Variants in PCDH15 observed in about 807,000 individuals in gnomAD.
The protein encoded by PCDH15 is protocadherin related 15, also known as protocadherin-15.
Under a neutral mutation model 178.5 loss-of-function variants are expected in PCDH15, and 129 were observed. That is an observed-to-expected ratio of 0.72 (90% CI 0.63 to 0.84). PCDH15 has a LOEUF of 0.84. Ranked by LOEUF, PCDH15 falls within the 40% of genes least tolerant of loss-of-function variation. The probability of loss-of-function intolerance (pLI) is 0.00; values close to 1 mark genes in which losing one functional copy is unlikely to be tolerated. For synonymous variants in PCDH15, 800 were observed against 732.0 expected (o/e 1.09, Z -1.50); for missense variants, 2,230 against 2,099.9 (o/e 1.06, Z -1.21).
At chr10:54,989,373 T>C (rs1839448183) in intron 2 of PCDH15, among the ~76,000 whole-genome samples, 1 of 152,148 alleles carries the variant, frequency 6.6e-6, no homozygotes, top group Non-Finnish European at 1.5e-5. Flanking sequence ...CACTGACAGC[T>C]TGCACTGTGT....
At chr10:54,096,737 C>T (rs2094706744) in intron 15 of PCDH15, among the ~76,000 whole-genome samples, 2 of 152,278 alleles carry the variant, frequency 1.3e-5, no homozygotes, top group South Asian at 2.1e-4. Flanking sequence ...CTAAGTATCT[C>T]TAACTACCAA....
chr10:54,943,777 T>C (rs1020877686), intron 2 of PCDH15, among the ~76,000 whole-genome samples: 1 of 151,772 alleles, frequency 6.6e-6, no homozygotes, highest in African/African-American at 2.4e-5. Context: ...AATCAGACTT[T>C]TTGATCTTAA....
chr10:54,719,477 T>C (rs1345394271), intron 1 of PCDH15, among the ~76,000 whole-genome samples: 2 of 152,052 alleles, frequency 1.3e-5, no homozygotes, highest in Non-Finnish European at 2.9e-5. Flanking sequence ...GGGATTGTCT[T>C]TTTTGTGCAA....
At chr10:54,080,013 C>T (rs1761301976) in intron 16 of PCDH15, among the ~76,000 whole-genome samples, 1 of 151,814 alleles carries the variant, frequency 6.6e-6, no homozygotes, top group Non-Finnish European at 1.5e-5. Context: ...TCTTTTTGTA[C>T]TTTATTATAA....
chr10:54,101,900 T>C (rs2094819452), intron 15 of PCDH15, among the ~76,000 whole-genome samples: 1 of 151,972 alleles, frequency 6.6e-6, no homozygotes, highest in Admixed American at 6.6e-5. Context: ...ACTTGAGCCC[T>C]GGAGGTGGAG....
At chr10:54,302,241 AGGT>A (rs1459981945) in intron 8 of PCDH15, among the ~76,000 whole-genome samples, 1 of 152,196 alleles carries the variant, frequency 6.6e-6, no homozygotes, top group Admixed American at 6.5e-5. Context: ...GATGTTATTT[AGGT>A]GGTAAAATCA....
chr10:54,162,717 C>G (rs1372762007), intron 13 of PCDH15, among the ~76,000 whole-genome samples: 1 of 152,060 alleles, frequency 6.6e-6, no homozygotes, highest in Non-Finnish European at 1.5e-5. Flanking sequence ...TTATGACATG[C>G]CAGAATATGA....
chr10:54,208,992 T>C (rs1225460645), intron 10 of PCDH15, among the ~76,000 whole-genome samples: 2 of 151,982 alleles, frequency 1.3e-5, no homozygotes, highest in Non-Finnish European at 2.9e-5. Flanking sequence ...CTCTCTCTCT[T>C]TTGTTTGAAA....
intron 2 of PCDH15, among the ~76,000 whole-genome samples, chr10:55,157,802 C>T (rs1838932147): frequency 6.8e-6 from 1 of 146,724 alleles, no homozygotes; most frequent in African/African-American, 2.5e-5. Context: ...CTGGGGCCTG[C>T]TGTGGGGTGG....
intron 2 of PCDH15, among the ~76,000 whole-genome samples, chr10:55,114,873 T>C (rs986665114): frequency 8.5e-5 from 13 of 152,214 alleles, no homozygotes; most frequent in African/African-American, 3.1e-4. Flanking sequence ...TGTCTGTCAT[T>C]GCAATTTATT....
intron 21 of PCDH15, among the ~76,000 whole-genome samples, chr10:53,980,827 G>T (rs1456045675): frequency 9.9e-5 from 15 of 152,124 alleles, no homozygotes; most frequent in Admixed American, 9.8e-4. Flanking sequence ...CACTCAGGAA[G>T]AACATGATTT....
intron 2 of PCDH15, among the ~76,000 whole-genome samples, chr10:55,376,631 A>C (rs1217635491): frequency 6.6e-6 from 1 of 152,100 alleles, no homozygotes; most frequent in East Asian, 1.9e-4. Context: ...AATAATTAAC[A>C]TTTTGATCTT....
chr10:55,599,958 T>C (rs1005937355), intron 2 of PCDH15: 17 of 1,513,908 alleles, frequency 1.1e-5, no homozygotes, highest in Admixed American at 2.1e-5. Context: ...GACCTACCTA[T>C]GAAGAGGCGG....
At chr10:54,320,355 T>C (rs1432569366) in intron 7 of PCDH15, among the ~76,000 whole-genome samples, 1 of 152,048 alleles carries the variant, frequency 6.6e-6, no homozygotes, top group Non-Finnish European at 1.5e-5. Flanking sequence ...CCTCTCATTG[T>C]GTTAAATATA....
At chr10:54,655,428 G>GGTGTGTGTGTGTGTGTGTGTGT (rs371162241) in intron 2 of PCDH15, 3 of 141,866 alleles carry the variant, frequency 2.1e-5, no homozygotes, top group African/African-American at 2.6e-5. Context: ...TGTGTGGTGG[G>GGTGTGTGTGTGTGTGTGTGTGT]GTGTGTGTGT....
chr10:55,510,065 C>A (rs942449653), intron 2 of PCDH15, among the ~76,000 whole-genome samples: 1 of 151,900 alleles, frequency 6.6e-6, no homozygotes, highest in Admixed American at 6.6e-5. Flanking sequence ...TAATATATAA[C>A]AGATTAACAA....
At chr10:54,313,544 C>T (rs2133550718) in intron 8 of PCDH15, among the ~76,000 whole-genome samples, 1 of 152,130 alleles carries the variant, frequency 6.6e-6, no homozygotes, top group South Asian at 2.1e-4. Flanking sequence ...GCTGCCAGAG[C>T]CAGAAAAAAC....
intron 2 of PCDH15, among the ~76,000 whole-genome samples, chr10:55,372,825 T>C (rs943826086): frequency 2.6e-5 from 4 of 152,144 alleles, no homozygotes; most frequent in African/African-American, 9.7e-5. Context: ...AGACAAGCAA[T>C]GGATTTAAAC....
At chr10:54,835,111 T>C (rs1953292555) in intron 3 of PCDH15, among the ~76,000 whole-genome samples, 2 of 152,036 alleles carry the variant, frequency 1.3e-5, no homozygotes, top group Non-Finnish European at 2.9e-5. Flanking sequence ...AGCAAGAAAA[T>C]GATAGTTTGG....
Sources: allele counts gnomAD v4.1 joint callset (sites outside exome capture counted in the v4.1 genomes callset), GRCh38; gene constraint gnomAD v4.1.1; transcripts MANE v1.5; gene names NCBI Gene and HGNC (gene_info 2026-07-23, HGNC 2026-07-21).